ASIC2: variants seen among roughly 807,000 people sequenced by gnomAD.
ASIC2 encodes the protein acid-sensing ion channel 2.
Under a neutral mutation model 57.3 loss-of-function variants are expected in ASIC2, and 25 were observed. That is an observed-to-expected ratio of 0.44 (90% CI 0.32 to 0.61). The LOEUF (loss-of-function observed/expected upper bound fraction) is 0.61, where lower values mean the gene tolerates loss of function less well. ASIC2 is among the 20% of genes least tolerant of loss of function. The probability of loss-of-function intolerance (pLI) is 0.06; values close to 1 mark genes in which losing one functional copy is unlikely to be tolerated. For synonymous variants in ASIC2, 319 were observed against 307.5 expected, an observed-to-expected ratio of 1.04 and a Z score of -0.39; for missense variants, 641 against 738.1, an observed-to-expected ratio of 0.87 and a Z score of 1.52.
intron 1 of ASIC2, among the ~76,000 whole-genome samples, chr17:33,717,255 G>T (rs988716513): frequency 2.0e-5 from 3 of 152,222 alleles, no homozygotes; most frequent in African/African-American, 7.2e-5. Flanking sequence ...TTCAGCTTTT[G>T]CACAAAATGG....
chr17:33,254,875 A>G (rs1909006290), intron 1 of ASIC2, among the ~76,000 whole-genome samples: 1 of 152,140 alleles, frequency 6.6e-6, no homozygotes, highest in African/African-American at 2.4e-5. Flanking sequence ...CAGCAAACAG[A>G]GCCAAAGAAA....
chr17:33,592,797 C>G (rs1161780324), intron 1 of ASIC2, among the ~76,000 whole-genome samples: 1 of 152,176 alleles, frequency 6.6e-6, no homozygotes, highest in African/African-American at 2.4e-5. Context: ...TTCCACTGCC[C>G]TCTCCTCTGT....
At chr17:33,868,181 ATGTGTGTGTGTGTATG>A (rs1282770403) in intron 1 of ASIC2, among the ~76,000 whole-genome samples, 1 of 150,124 alleles carries the variant, frequency 6.7e-6, no homozygotes, top group Non-Finnish European at 1.5e-5. Flanking sequence ...CAACAAATGT[ATGTGTGTGTGTGTATG>A]TGTGTGTGTG....
At chr17:34,144,646 A>G (rs745659043) in intron 1 of ASIC2, among the ~76,000 whole-genome samples, 21 of 152,192 alleles carry the variant, frequency 1.4e-4, no homozygotes, top group Non-Finnish European at 2.9e-4. Flanking sequence ...TTATTATTTA[A>G]TAGATGAGGA....
chr17:33,653,167 A>G (rs1460353851), intron 1 of ASIC2, among the ~76,000 whole-genome samples: 1 of 152,218 alleles, frequency 6.6e-6, no homozygotes, highest in African/African-American at 2.4e-5. Flanking sequence ...TTCCAGGGTA[A>G]AGGAAACTGG....
intron 1 of ASIC2, among the ~76,000 whole-genome samples, chr17:34,121,486 C>T (rs1039572564): frequency 5.9e-5 from 9 of 152,192 alleles, no homozygotes; most frequent in African/African-American, 1.7e-4. Context: ...TCCATCCTAT[C>T]TTCTCACATG....
chr17:33,522,460 G>GAGAA (rs1406774620), intron 1 of ASIC2, among the ~76,000 whole-genome samples: 1 of 152,176 alleles, frequency 6.6e-6, no homozygotes, highest in African/African-American at 2.4e-5. Context: ...CTTGGCAGTA[G>GAGAA]TTCTGACCAT....
intron 1 of ASIC2, among the ~76,000 whole-genome samples, chr17:33,612,386 A>T (rs1358445096): frequency 6.6e-6 from 1 of 152,174 alleles, no homozygotes; most frequent in African/African-American, 2.4e-5. Context: ...GGGCTTTGAG[A>T]GATTAAAAAA....
At chr17:34,063,884 A>G (rs1909064150) in intron 1 of ASIC2, among the ~76,000 whole-genome samples, 2 of 152,190 alleles carry the variant, frequency 1.3e-5, no homozygotes, top group South Asian at 4.1e-4. Flanking sequence ...GACAACACAA[A>G]CAAATGGAAA....
chr17:33,961,745 A>G (rs2348162), intron 1 of ASIC2, among the ~76,000 whole-genome samples: 77,061 of 151,666 alleles, frequency 0.51, 20,399 homozygotes, highest in African/African-American at 0.64. Context: ...TTGGGAGGGA[A>G]AAAAAAGTCA....
intron 1 of ASIC2, among the ~76,000 whole-genome samples, chr17:34,082,845 TA>T (rs1909943291): frequency 6.6e-6 from 1 of 152,208 alleles, no homozygotes; most frequent in Non-Finnish European, 1.5e-5. Flanking sequence ...ATGCTTACAG[TA>T]AAAGACAGTT....
chr17:33,610,345 C>T lies in ASIC2; in HGVS notation c.556-498278G>A, dbSNP rs539320270. Among the ~76,000 whole-genome samples, 10 of 152,016 alleles carry T rather than the reference C, an allele frequency of 6.6e-5. No homozygotes were observed. The Middle Eastern group carries it at 0.01, about 155-fold the overall frequency. ...GCTTTTTTTGTATTTATAGTAGAGA[C>T]GGGGTTTCACCGTGTTGGCCAGGCT... On this transcript the variant is annotated intron_variant, in intron 1 of 9. Transcript: ENST00000359872.
chr17:33,027,713 TTC>T (rs531550489), intron 4 of ASIC2, among the ~76,000 whole-genome samples: 48 of 152,350 alleles, frequency 3.2e-4, no homozygotes, highest in Middle Eastern at 3.4e-3. Flanking sequence ...CAGATCAGCT[TTC>T]CACTCTGCAC....
Position 33,812,609 on chromosome 17 carries a change from G to C in ASIC2, c.555+343369C>G, listed in dbSNP as rs567390408. Among the ~76,000 whole-genome samples the C allele has an allele frequency of 5.3e-5, 8 of 152,322 alleles. No homozygotes were observed. In the South Asian group the frequency reaches 1.7e-3, roughly 32 times the overall value. On this transcript the variant is annotated intron_variant, in intron 1 of 9. Coordinates refer to the ASIC2 transcript ENST00000359872. The stretch of plus-strand genomic sequence containing the variant: ...GTAGGAATGATGGATCCTGGGCAGA[G>C]AGGACCTGACCCAGCTCCTTTAAGA...
chr17:33,708,531 T>A (rs1218347725), intron 1 of ASIC2, among the ~76,000 whole-genome samples: 1 of 152,192 alleles, frequency 6.6e-6, no homozygotes, highest in Non-Finnish European at 1.5e-5. Context: ...GTCTCCTTCT[T>A]TCTTCTCTTC....
At chr17:33,824,077 A>G (rs1912834102) in intron 1 of ASIC2, among the ~76,000 whole-genome samples, 1 of 152,214 alleles carries the variant, frequency 6.6e-6, no homozygotes, top group African/African-American at 2.4e-5. Context: ...CATGGAGATT[A>G]TAAGGAAATG....
At chr17:33,497,628 C>G (rs1048210703) in intron 1 of ASIC2, among the ~76,000 whole-genome samples, 2 of 152,186 alleles carry the variant, frequency 1.3e-5, no homozygotes, top group South Asian at 4.1e-4. Context: ...CCTGCCCCCA[C>G]TAGGGCAGGG....
rs561526262 is a variant in ASIC2, at chr17:33,236,583, C to T, written c.708+54825G>A. On this transcript the variant is annotated intron_variant, in intron 1 of 9. Coordinates refer to ENST00000225823, the MANE Select transcript of ASIC2 (RefSeq NM_183377.2). ...CTTGAACACCTGGGCCCAAGTGATC[C>T]GCCTGCCTCAGCCTCCCAAAGTGCT... is the stretch of plus-strand genomic sequence containing the variant. Among the ~76,000 whole-genome samples the T allele has an allele frequency of 3.9e-5, 6 of 151,904 alleles. No individual in the cohort carries two copies. The East Asian group carries it at 5.8e-4, about 15-fold the overall frequency.
chr17:33,979,907 T>C (rs897979744), intron 1 of ASIC2, among the ~76,000 whole-genome samples: 1 of 152,082 alleles, frequency 6.6e-6, no homozygotes, highest in Non-Finnish European at 1.5e-5. Flanking sequence ...GAGTCTCAAG[T>C]GGTCCAAAGT....
Sources: allele counts gnomAD v4.1 joint callset (sites outside exome capture counted in the v4.1 genomes callset), GRCh38; gene constraint gnomAD v4.1.1; transcripts MANE v1.5; gene names NCBI Gene and HGNC (gene_info 2026-07-23, HGNC 2026-07-21).